Variants in EYS observed in about 807,000 individuals in gnomAD.
The protein encoded by EYS is protein eyes shut homolog.
EYS carries 250 observed loss-of-function variants against 282.1 expected under a neutral mutation model. That is an observed-to-expected ratio of 0.89 (90% CI 0.80 to 0.98). The LOEUF (loss-of-function observed/expected upper bound fraction) is 0.98. Ranked by LOEUF, EYS falls within the 50% of genes least tolerant of loss-of-function variation. The pLI, the probability that EYS is intolerant of heterozygous loss-of-function variation, is 0.00. For missense variants in EYS, 4,016 were observed against 3,709.0 expected (o/e 1.08, Z -2.15); for synonymous variants, 1,355 against 1,282.9 (o/e 1.06, Z -1.20).
chr6:65,143,860 T>C (rs1306913201), intron 12 of EYS, among the ~76,000 whole-genome samples: 1 of 152,126 alleles, frequency 6.6e-6, no homozygotes, highest in Non-Finnish European at 1.5e-5. Context: ...CTACAGCAAG[T>C]AGTCATTAAA....
intron 11 of EYS, among the ~76,000 whole-genome samples, chr6:65,326,874 A>G (rs1379594002): frequency 6.6e-6 from 1 of 151,624 alleles, no homozygotes; most frequent in East Asian, 1.9e-4. Flanking sequence ...GGAAATCTAT[A>G]CATTTCTTAC....
In EYS at chr6:64,398,276, T is replaced by A. The variant is rs944236763; in HGVS notation, c.5928-9436A>T. ...GACAGAAGGAGAGGGATTAAATAGGTCAATCCTGTAAATGATTCTCTTTCA... is the reference window on the plus strand; with the variant it reads ...GACAGAAGGAGAGGGATTAAATAGGACAATCCTGTAAATGATTCTCTTTCA... On this transcript the variant is annotated intron_variant, in intron 28 of 42. Transcript: ENST00000503581. 2.6e-5 allele frequency among the ~76,000 whole-genome samples: 4 copies of A among 151,942 alleles called. No individual in the cohort carries two copies. The South Asian group carries it at 8.3e-4, about 32-fold the overall frequency.
intron 38 of EYS, among the ~76,000 whole-genome samples, chr6:63,788,654 CA>C (rs200229820): frequency 0.018 from 2,698 of 152,280 alleles, 30 homozygotes; most frequent in Middle Eastern, 0.044. Context: ...AACTTCTTAG[CA>C]CATCTAAGCC....
chr6:64,627,010 T>A (rs569425449), intron 22 of EYS, among the ~76,000 whole-genome samples: 1 of 152,332 alleles, frequency 6.6e-6, no homozygotes, highest in South Asian at 2.1e-4. Context: ...TACTTCCTCT[T>A]AATTTTTAGG....
At chr6:65,379,440 T>A (rs1282498312) in intron 8 of EYS, among the ~76,000 whole-genome samples, 1 of 152,026 alleles carries the variant, frequency 6.6e-6, no homozygotes, top group East Asian at 1.9e-4. Context: ...AAACTCTCAA[T>A]AAACTAGGTG....
intron 2 of EYS, among the ~76,000 whole-genome samples, chr6:65,564,227 C>T (rs62345868): frequency 6.6e-6 from 1 of 151,956 alleles, no homozygotes; most frequent in South Asian, 2.1e-4. Flanking sequence ...AATGTTATCC[C>T]CATTAAGTAA....
chr6:64,084,691 A>T (rs1250375517), intron 31 of EYS, among the ~76,000 whole-genome samples: 1 of 152,160 alleles, frequency 6.6e-6, no homozygotes, highest in Non-Finnish European at 1.5e-5. Context: ...GGCTGGTAAA[A>T]CTGACAAGAT....
chr6:64,026,563 G>T (rs563274022), intron 33 of EYS, among the ~76,000 whole-genome samples: 7 of 152,262 alleles, frequency 4.6e-5, no homozygotes, highest in Middle Eastern at 3.4e-3. Flanking sequence ...GACCTTTTCT[G>T]TAAGTGGGAA....
At chr6:64,616,016 T>TTCATATTTCAC (rs1390531324) in intron 24 of EYS, among the ~76,000 whole-genome samples, 1 of 152,100 alleles carries the variant, frequency 6.6e-6, no homozygotes, top group Non-Finnish European at 1.5e-5. Context: ...ATATTTCACA[T>TTCATATTTCAC]GTGAAAGAAC....
chr6:65,448,315 G>C (rs1294445853), intron 5 of EYS, among the ~76,000 whole-genome samples: 1 of 152,030 alleles, frequency 6.6e-6, no homozygotes, highest in African/African-American at 2.4e-5. Flanking sequence ...TGAAGATAAA[G>C]AAGTTAGATG....
At chr6:63,777,278 A>G (rs1770088663) in intron 40 of EYS, among the ~76,000 whole-genome samples, 1 of 152,288 alleles carries the variant, frequency 6.6e-6, no homozygotes, top group African/African-American at 2.4e-5. Context: ...TCTGTCTTTC[A>G]GGAGAAACTC....
chr6:65,641,642 C>T (rs554546479), intron 1 of EYS, among the ~76,000 whole-genome samples: 13 of 152,286 alleles, frequency 8.5e-5, no homozygotes, highest in East Asian at 3.9e-4. Context: ...GTCTGTACTG[C>T]GTACTGTTTT....
chr6:65,513,746 C>T (rs997581653), intron 2 of EYS, among the ~76,000 whole-genome samples: 244 of 151,964 alleles, frequency 1.6e-3, no homozygotes, highest in Non-Finnish European at 2.8e-4. Context: ...AACAACCCTT[C>T]ATGCTAAAAA....
At chr6:64,118,660 G>A (rs1053896426) in intron 31 of EYS, among the ~76,000 whole-genome samples, 1 of 152,036 alleles carries the variant, frequency 6.6e-6, no homozygotes, top group Non-Finnish European at 1.5e-5. Context: ...AAAAGCACAG[G>A]CAACAAAAGC....
At chr6:64,685,657 C>A (rs1770071290) in intron 22 of EYS, among the ~76,000 whole-genome samples, 2 of 152,174 alleles carry the variant, frequency 1.3e-5, no homozygotes, top group South Asian at 4.1e-4. Flanking sequence ...GAAGTTCAAG[C>A]TTCCAGCCAG....
chr6:64,764,235 C>T (rs1027679833), intron 22 of EYS, among the ~76,000 whole-genome samples: 4 of 152,262 alleles, frequency 2.6e-5, no homozygotes, highest in Non-Finnish European at 5.9e-5. Flanking sequence ...CGCTTTGCAG[C>T]TGACTTCTGC....
chr6:64,256,768 G>A (rs1191214883), intron 30 of EYS, among the ~76,000 whole-genome samples: 2 of 152,004 alleles, frequency 1.3e-5, no homozygotes, highest in Non-Finnish European at 2.9e-5. Flanking sequence ...GGCAGCTAGG[G>A]AACATGACCT....
chr6:64,862,696 A>T (rs1766287693), intron 19 of EYS, among the ~76,000 whole-genome samples: 1 of 146,346 alleles, frequency 6.8e-6, no homozygotes, highest in Non-Finnish European at 1.5e-5. Context: ...TTTTTTTGCA[A>T]CTTCTATTTT....
chr6:64,381,018 GAAA>G (rs113430990), intron 29 of EYS, among the ~76,000 whole-genome samples: 3 of 73,120 alleles, frequency 4.1e-5, no homozygotes, highest in African/African-American at 4.3e-5. Flanking sequence ...CTCCATCTCA[GAAA>G]AAAAAAAAAA....
Sources: allele counts gnomAD v4.1 joint callset (sites outside exome capture counted in the v4.1 genomes callset), GRCh38; gene constraint gnomAD v4.1.1; transcripts MANE v1.5; gene names NCBI Gene and HGNC (gene_info 2026-07-23, HGNC 2026-07-21).